Variants in RUNX3 observed in about 807,000 individuals in gnomAD.
RUNX3 encodes runt-related transcription factor 3.
A neutral mutation model predicts 27.7 loss-of-function variants in RUNX3; 10 were observed. The ratio of observed to expected loss-of-function variants is 0.36; its 90% CI spans 0.22 to 0.61. The LOEUF is 0.61. Among genes scored for constraint, RUNX3 ranks in the 20% least tolerant of loss-of-function variants. The pLI, the probability that RUNX3 is intolerant of heterozygous loss-of-function variation, is 0.72. For missense variants in RUNX3, 469 were observed against 629.5 expected (o/e 0.75, Z 2.73); for synonymous variants, 270 against 269.2 (o/e 1.00, Z -0.03).
chr1:24,919,357 G>C lies in RUNX3; in HGVS notation c.440-13C>G, dbSNP rs775033379. 3.2e-6 allele frequency: 5 copies of C among 1,578,382 alleles called. No homozygotes were observed. In the African/African-American group the frequency reaches 5.4e-5, roughly 17 times the overall value. On this transcript the variant is annotated splice_polypyrimidine_tract_variant and intron_variant, in intron 2 of 4. Transcript: ENST00000308873. ...GTGAAACTCTTCCCTGGGGAGAGTG[G>C]GGAATAGAGGCAGGTGGTTGGCACC...
intron 2 of RUNX3, among the ~76,000 whole-genome samples, chr1:24,937,199 G>T (rs1641367773): frequency 6.6e-6 from 1 of 152,230 alleles, no homozygotes; most frequent in Non-Finnish European, 1.5e-5. Flanking sequence ...ATATCCCAGA[G>T]GCAGGGCCGG....
At position 24,902,901 on chromosome 1, in the gene RUNX3, C is replaced by A. The variant is rs551683005; in HGVS notation, c.704-235G>T. On this transcript the variant is annotated intron_variant, in intron 4 of 4. Coordinates refer to ENST00000308873, the MANE Select transcript of RUNX3 (RefSeq NM_004350.3). This position sits in a 1 kb window ranked among gnomAD's most constrained non-coding sequence, Gnocchi z 9.2. The stretch of plus-strand genomic sequence containing the variant: ...CCGGGCCAAGAGGGGCCATGGGAGC[C>A]CCCCCACAGCAGCAACAGAACAGAG... Among the ~76,000 whole-genome samples the A allele has an allele frequency of 6.6e-6, 1 of 152,272 alleles. No homozygotes were observed. The highest frequency in any genetic ancestry group is 1.5e-5 in the Non-Finnish European group (1 of 68,000).
At chr1:24,907,505 TG>T in intron 3 of RUNX3, 88 bp from the exon 4 acceptor site, 3 of 1,393,174 alleles carry the variant, frequency 2.2e-6, no homozygotes, top group Non-Finnish European at 2.9e-6. Context: ...AAGTTCTTCC[TG>T]AGGTCTGACC....
In RUNX3 at chr1:24,929,932, G is replaced by T; in HGVS notation, c.-64C>A. On this transcript the variant is annotated 5_prime_UTR_variant, in exon 1 of 5. Coordinates refer to ENST00000308873, the MANE Select transcript of RUNX3 (RefSeq NM_004350.3). ...GCGGCTTCCCCCGGGGGCGGCCGGCGCGGGCGCCTCCTCGGCCGCCGCTGC... is the reference window on the plus strand; with the variant it reads ...GCGGCTTCCCCCGGGGGCGGCCGGCTCGGGCGCCTCCTCGGCCGCCGCTGC... 8.2e-7 allele frequency: 1 copy of T among 1,222,580 alleles called. No individual in the cohort carries two copies. The highest frequency in any genetic ancestry group is 1.0e-6 in the Non-Finnish European group (1 of 983,372). 75.7% of individuals were successfully genotyped at this position (1,222,580 alleles called of 1,614,324 possible). A position where few individuals can be genotyped will look rare whatever the true frequency, so the allele number is the denominator to read the frequency against.
At chr1:24,928,934 T>C (rs1009269212) in intron 1 of RUNX3, 16 of 415,262 alleles carry the variant, frequency 3.9e-5, no homozygotes, top group African/African-American at 3.4e-4. Context: ...CGCTGCCCCC[T>C]TAAAAAAATG....
chr1:24,920,116 C>T lies in RUNX3; in HGVS notation c.440-772G>A, dbSNP rs944808421. Among the ~76,000 whole-genome samples, 3 of 152,060 alleles carry T rather than the reference C, an allele frequency of 2.0e-5. No homozygotes were observed. In the South Asian group the frequency reaches 6.2e-4, roughly 31 times the overall value. The stretch of plus-strand genomic sequence containing the variant: ...GCTGCAGACATTTCTTCTGTAGACA[C>T]AACTGTTATTTCCAGAATGTTCTAT... On this transcript the variant is annotated intron_variant, in intron 2 of 4. Transcript: ENST00000308873.
intron 2 of RUNX3, among the ~76,000 whole-genome samples, chr1:24,963,928 C>T (rs956215214): frequency 6.6e-6 from 1 of 152,214 alleles, no homozygotes; most frequent in Admixed American, 6.5e-5. Context: ...CACGAACTTT[C>T]TCGAGGTCTG....
At chr1:24,932,284 G>T (rs1026845442), upstream of RUNX3, among the ~76,000 whole-genome samples, 7 of 151,060 alleles carry the variant, frequency 4.6e-5, no homozygotes, top group Non-Finnish European at 1.0e-4. Context: ...TCCGTAGGGC[G>T]CTGGCTCCCC....
At chr1:24,960,348 A>T (rs1642074900) in intron 2 of RUNX3, among the ~76,000 whole-genome samples, 1 of 152,222 alleles carries the variant, frequency 6.6e-6, no homozygotes, top group Admixed American at 6.5e-5. Flanking sequence ...CAGATGAGGA[A>T]ACCAGAGACA....
intron 3 of RUNX3, among the ~76,000 whole-genome samples, chr1:24,909,198 C>T (rs1242507740): frequency 6.6e-6 from 1 of 152,166 alleles, no homozygotes; most frequent in African/African-American, 2.4e-5. Context: ...GGACCTCCCC[C>T]GCCACACACA....
chr1:24,961,945 C>T (rs1642124629), intron 2 of RUNX3: 1 of 152,162 alleles, frequency 6.6e-6, no homozygotes, highest in Admixed American at 6.5e-5. Context: ...TTCTGAGAAC[C>T]CGAGACCCGG....
chr1:24,905,026 G>A (rs1006959165), intron 4 of RUNX3, among the ~76,000 whole-genome samples: 8 of 152,200 alleles, frequency 5.3e-5, no homozygotes, highest in Non-Finnish European at 1.0e-4. Context: ...CCCCATTGTG[G>A]GCGGCTGCGG....
rs13157 is a variant in RUNX3 at position 24,901,186 on chromosome 1, G to A, written c.*936C>T. On this transcript the variant is annotated 3_prime_UTR_variant, in exon 5 of 5. Transcript: ENST00000308873. ...GCTTGGCTGGACCCAGGGGGGACAG[G>A]GACATTGATGTCTGACCCAAAATGA... The A allele has an allele frequency of 0.15, 22,423 of 151,806 alleles. 3,332 individuals carry two copies. The highest frequency in any genetic ancestry group is 0.39 in the African/African-American group (16,054 of 41,212). 9.4% of individuals were successfully genotyped at this position (151,806 alleles called of 1,614,324 possible). A position where few individuals can be genotyped will look rare whatever the true frequency, so the allele number is the denominator to read the frequency against.
chr1:24,942,507 G>A (rs1414924364), intron 2 of RUNX3, among the ~76,000 whole-genome samples: 1 of 152,152 alleles, frequency 6.6e-6, no homozygotes, highest in Non-Finnish European at 1.5e-5. Context: ...TTTAGACAGG[G>A]TGGTCAGGGA....
chr1:24,942,408 T>C (rs1372644353), intron 2 of RUNX3, among the ~76,000 whole-genome samples: 1 of 152,162 alleles, frequency 6.6e-6, no homozygotes, highest in African/African-American at 2.4e-5. Flanking sequence ...CAATATTTGA[T>C]AGTGTCTTGG....
chr1:24,927,842 T>A lies in RUNX3; in HGVS notation c.283-112A>T. On this transcript the variant is annotated intron_variant, in intron 1 of 4. Coordinates refer to ENST00000308873, the MANE Select transcript of RUNX3 (RefSeq NM_004350.3). The surrounding 1 kb of genome is among the most constrained non-coding windows in gnomAD (Gnocchi z 5.0). Reference sequence around the variant, plus strand: ...CAGCTCCCCCAGGTCCCAGGCACACTGAGTATTTCTCCAATGCAGGGTGGA... The same window carrying A: ...CAGCTCCCCCAGGTCCCAGGCACACAGAGTATTTCTCCAATGCAGGGTGGA... 1 of 875,090 alleles carries A rather than the reference T, an allele frequency of 1.1e-6. No homozygotes were observed. The highest frequency in any genetic ancestry group is 1.9e-6 in the Non-Finnish European group (1 of 535,702). 54.2% of individuals were successfully genotyped at this position (875,090 alleles called of 1,614,324 possible).
In RUNX3 at chr1:24,901,800, C is replaced by A; in HGVS notation, c.*322G>T. 1 of 350,210 alleles carries A rather than the reference C, an allele frequency of 2.9e-6. No homozygotes were observed. The highest frequency in any genetic ancestry group is 2.1e-5 in the African/African-American group (1 of 48,342). The allele number at this position is 350,210 out of a possible 1,614,324, so 21.7% of individuals were successfully genotyped here. A position where few individuals can be genotyped will look rare whatever the true frequency, so the allele number is the denominator to read the frequency against. On this transcript the variant is annotated 3_prime_UTR_variant, in exon 5 of 5. Coordinates refer to ENST00000308873, the MANE Select transcript of RUNX3 (RefSeq NM_004350.3). ...CCCAGGAGACATGGGTCCCATGCAG[C>A]ACTGGGCATAGCTGGAGACAGTGAG...
rs1243594644 is a variant in RUNX3 at position 24,904,717 on chromosome 1, G to A, written c.704-2051C>T. ...TCAGAGCTCACGCGGGCTGCAGGGC[G>A]CTGGGCTGGGCCTCCCTGGACCTGC... On this transcript the variant is annotated intron_variant, in intron 4 of 4. Transcript: ENST00000308873. The surrounding 1 kb of genome is among the most constrained non-coding windows in gnomAD (Gnocchi z 5.7). Among the ~76,000 whole-genome samples, 11 of 152,100 alleles carry A rather than the reference G, an allele frequency of 7.2e-5. No homozygotes were observed. The highest frequency in any genetic ancestry group is 4.8e-5 in the African/African-American group (2 of 41,426).
chr1:24,954,019 C>A (rs964175754), intron 2 of RUNX3, among the ~76,000 whole-genome samples: 3 of 152,092 alleles, frequency 2.0e-5, no homozygotes, highest in African/African-American at 7.2e-5. Flanking sequence ...CTCAAGTTAT[C>A]CTCCTGCCTC....
Sources: gnomAD v4.1 joint callset for allele counts (sites outside exome capture counted in the v4.1 genomes callset) on GRCh38, gnomAD v4.1.1 for gene constraint, Gnocchi (gnomAD v3.1) non-coding constraint, MANE v1.5 for transcripts, NCBI Gene and HGNC (gene_info 2026-07-23, HGNC 2026-07-21) for gene names.